Variants in PLA1A observed in about 807,000 individuals in gnomAD.
The protein encoded by PLA1A is phosphatidylserine-specific phospholipase A1alpha.
Under a neutral mutation model 49.4 loss-of-function variants are expected in PLA1A, and 47 were observed. The ratio of observed to expected loss-of-function variants is 0.95; its 90% CI spans 0.75 to 1.21. The LOEUF (loss-of-function observed/expected upper bound fraction) is 1.21, where lower values mean the gene tolerates loss of function less well. Ranked by LOEUF, PLA1A falls within the 50% of genes most tolerant of loss-of-function variation. The pLI is 0.00. For synonymous variants in PLA1A, 224 were observed against 207.9 expected (o/e 1.08, Z -0.67); for missense variants, 561 against 563.9 (o/e 0.99, Z 0.05).
rs76221205 is a variant in PLA1A at position 119,625,987 on chromosome 3, G to C, written c.1121+755G>C. On this transcript the variant is annotated intron_variant, in intron 9 of 10. Coordinates refer to ENST00000273371, the MANE Select transcript of PLA1A (RefSeq NM_015900.4). ...TCAGATAATGTCACTGTCTCAGTGAGAGTCCGGTCAGGAAAACAGAGGAGG... is the reference window on the plus strand; with the variant it reads ...TCAGATAATGTCACTGTCTCAGTGACAGTCCGGTCAGGAAAACAGAGGAGG... Among the ~76,000 whole-genome samples the C allele has an allele frequency of 6.9e-3, 1,052 of 152,338 alleles. 11 individuals carry two copies. The highest frequency in any genetic ancestry group is 0.024 in the African/African-American group (979 of 41,574).
rs745349162 is a variant in PLA1A at position 119,616,119 on chromosome 3, A to T, written c.754+18A>T. The T allele has an allele frequency of 6.4e-7, 1 of 1,559,298 alleles. No individual in the cohort carries two copies. On this transcript the variant is annotated intron_variant, in intron 6 of 10. Transcript: ENST00000273371. ...TTACGCAGGTCAGAAAGCCAGTACA[A>T]TCTGGTATTTGGCAACCCCGGAGAT... is the stretch of plus-strand genomic sequence containing the variant.
chr3:119,620,158 G>A (rs1041192447), intron 8 of PLA1A: 13 of 456,594 alleles, frequency 2.8e-5, no homozygotes, highest in East Asian at 2.1e-4. Context: ...GATGTTAAAT[G>A]TGAAGTAAAA....
In PLA1A at chr3:119,597,995, G is replaced by A. The variant is rs1424313398; in HGVS notation, c.73+9G>A. The A allele has an allele frequency of 6.4e-7, 1 of 1,573,406 alleles. No homozygotes were observed. Reference sequence around the variant, plus strand: ...CAGCGTTGGAAGTTCAGGTAAGCCAGGGCTCAGGCCTTGGGAGGAACTTAT... The same window carrying A: ...CAGCGTTGGAAGTTCAGGTAAGCCAAGGCTCAGGCCTTGGGAGGAACTTAT... On this transcript the variant is annotated intron_variant, in intron 1 of 10. Coordinates refer to ENST00000273371, the MANE Select transcript of PLA1A (RefSeq NM_015900.4).
intron 2 of PLA1A, among the ~76,000 whole-genome samples, chr3:119,608,489 C>A (rs1797831): frequency 0.32 from 48,197 of 152,080 alleles, 10,268 homozygotes; most frequent in African/African-American, 0.6. Context: ...ATGAGGCTGA[C>A]ATCCAAGCTA....
At chr3:119,611,669 G>A (rs757442997) in intron 4 of PLA1A, among the ~76,000 whole-genome samples, 1 of 152,022 alleles carries the variant, frequency 6.6e-6, no homozygotes, top group Non-Finnish European at 1.5e-5. Context: ...GAATGTTATT[G>A]GTACATAGAA....
chr3:119,607,387 A>G (rs1029600353), intron 2 of PLA1A, among the ~76,000 whole-genome samples: 1 of 152,114 alleles, frequency 6.6e-6, no homozygotes, highest in African/African-American at 2.4e-5. Context: ...CTCTTCTTCA[A>G]TTTCTCTGAT....
chr3:119,607,060 G>A (rs2251566), intron 2 of PLA1A, 85 bp downstream of exon 2: 212,923 of 1,109,366 alleles, frequency 0.19, 24,955 homozygotes, highest in East Asian at 0.47. Flanking sequence ...GGCAACAAGG[G>A]GAGGAATGAA....
chr3:119,615,263 G>C (rs753934748), intron 5 of PLA1A, among the ~76,000 whole-genome samples: 1 of 152,204 alleles, frequency 6.6e-6, no homozygotes, highest in Non-Finnish European at 1.5e-5. Context: ...GGGACAGAAA[G>C]AGGGCAGAGG....
chr3:119,622,753 C>A (rs2082961517), intron 8 of PLA1A, among the ~76,000 whole-genome samples: 1 of 149,324 alleles, frequency 6.7e-6, no homozygotes, highest in Non-Finnish European at 1.5e-5. Flanking sequence ...TTGCAAAATG[C>A]CACCAGGTTG....
intron 8 of PLA1A, among the ~76,000 whole-genome samples, chr3:119,623,381 A>G (rs890599106): frequency 6.6e-6 from 1 of 152,104 alleles, no homozygotes; most frequent in African/African-American, 2.4e-5. Context: ...TCCTGGGCTC[A>G]AGTGATCTGC....
At chr3:119,606,462 A>T (rs1191018560) in intron 1 of PLA1A, among the ~76,000 whole-genome samples, 1 of 152,218 alleles carries the variant, frequency 6.6e-6, no homozygotes, top group Non-Finnish European at 1.5e-5. Flanking sequence ...AGATTTCAAC[A>T]TATGAATTTT....
In PLA1A at chr3:119,613,115, G is replaced by T. The variant is rs781628935; in HGVS notation, c.661G>T (p.Asp221Tyr). ...CGTGGAAGCCATCCACACAGACACC[G>T]ACAGTGAGCTGGGGTGACCTTCCTG... ...LFVEAIHTDT[D>Y]NLGIRIPVGH... The change falls in exon 5 of 11, where the codon GAC becomes TAC. Residue 221 changes from aspartate to tyrosine, a missense_variant. By Grantham distance (160) the Asp-to-Tyr change is radical. Coordinates refer to ENST00000273371, the MANE Select transcript of PLA1A (RefSeq NM_015900.4). The T allele has an allele frequency of 6.3e-7, 1 of 1,599,822 alleles. No homozygotes were observed. The highest frequency in any genetic ancestry group is 1.1e-5 in the South Asian group (1 of 88,938).
chr3:119,620,234 C>T, intron 8 of PLA1A: 1 of 445,572 alleles, frequency 2.2e-6, no homozygotes, highest in Non-Finnish European at 4.5e-6. Context: ...CTATGTGCAT[C>T]TTAACTAGGG....
At chr3:119,601,943 C>T (rs1020268510) in intron 1 of PLA1A, among the ~76,000 whole-genome samples, 5 of 151,962 alleles carry the variant, frequency 3.3e-5, no homozygotes, top group South Asian at 4.1e-4. Flanking sequence ...TTTGTTCATA[C>T]GTGAATTATA....
intron 10 of PLA1A, among the ~76,000 whole-genome samples, chr3:119,629,165 A>C (rs1010921999): frequency 6.6e-6 from 1 of 152,170 alleles, no homozygotes; most frequent in Admixed American, 6.5e-5. Context: ...GGTCACATTC[A>C]TGGGTGTGGA....
intron 8 of PLA1A, among the ~76,000 whole-genome samples, chr3:119,623,621 G>A (rs1481965728): frequency 6.6e-6 from 1 of 152,118 alleles, no homozygotes; most frequent in Non-Finnish European, 1.5e-5. Flanking sequence ...GCAGGGAGAG[G>A]AGCAGTCTCC....
In PLA1A at chr3:119,629,620, TGGAGGGGAGGGAGAACTCA is replaced by T; in HGVS notation, c.*153_*171del. 1.7e-6 allele frequency: 1 copy of T among 594,994 alleles called. No individual in the cohort carries two copies. The allele number at this position is 594,994 out of a possible 1,614,324, so 36.9% of individuals were successfully genotyped here. ...TTATTTTCCTCATAATCAGCTACCC[TGGAGGGGAGGGAGAACTCA>T]TTTTACAGAACTTGGTTTCCTTTGC... On this transcript the variant is annotated 3_prime_UTR_variant, in exon 11 of 11. Transcript: ENST00000273371.
chr3:119,619,805 G>C (rs1308560635), intron 8 of PLA1A, among the ~76,000 whole-genome samples, 153 bp downstream of exon 8: 1 of 152,226 alleles, frequency 6.6e-6, no homozygotes, highest in Non-Finnish European at 1.5e-5. Flanking sequence ...AACTTTCAGA[G>C]TGAGTCCAAC....
chr3:119,619,692 C>A, intron 8 of PLA1A, 40 bp downstream of exon 8: 3 of 1,377,258 alleles, frequency 2.2e-6, no homozygotes, highest in Non-Finnish European at 3.1e-6. Context: ...TCTGCCAGGG[C>A]ACCACCAGAG....
Sources: allele counts gnomAD v4.1 joint callset (sites outside exome capture counted in the v4.1 genomes callset), GRCh38; gene constraint gnomAD v4.1.1; transcripts MANE v1.5; gene names NCBI Gene and HGNC (gene_info 2026-07-23, HGNC 2026-07-21).